The following FHIP1A variants were observed in gnomAD, a reference collection of about 807,000 sequenced individuals.
FHIP1A encodes the protein FHF complex subunit HOOK interacting protein 1A.
A neutral mutation model predicts 88.6 loss-of-function variants in FHIP1A; 61 were observed. The observed-to-expected ratio is 0.69, with a 90% CI of 0.56 to 0.85. The LOEUF is 0.85. Among genes scored for constraint, FHIP1A ranks in the 40% least tolerant of loss-of-function variants. FHIP1A has a pLI of 0.00. For missense variants in FHIP1A, 1,154 were observed against 1,273.5 expected (o/e 0.91, Z 1.43); for synonymous variants, 478 against 496.0 (o/e 0.96, Z 0.48).
chr4:151,535,949 C>T (rs1158305018), intron 3 of FHIP1A, among the ~76,000 whole-genome samples: 7 of 152,144 alleles, frequency 4.6e-5, no homozygotes, highest in African/African-American at 7.2e-5. Flanking sequence ...ACAATTTGTT[C>T]GTTACAGTTA....
At chr4:151,527,013 G>C (rs1282845981) in intron 3 of FHIP1A, among the ~76,000 whole-genome samples, 1 of 150,936 alleles carries the variant, frequency 6.6e-6, no homozygotes, top group African/African-American at 2.4e-5. Context: ...GATGGCGGCC[G>C]GGCAGAGACA....
rs755828717 is a variant in FHIP1A at position 151,650,528 on chromosome 4, G to C, written c.2487G>C (p.Val829=). The change falls in exon 11 of 14, where the codon GTG becomes GTC. Residue 829 remains valine, a synonymous_variant. Transcript: ENST00000435205. ...TAGAGACTGTGCCTTCCCCATTTGT[G>C]GGGAGAGATGAGGCTGCCTTTGCCA... The part of the protein sequence containing the change: ...PAVETVPSPF[V]GRDEAAFASR... 7.1e-6 allele frequency: 11 copies of C among 1,551,464 alleles called. No individual in the cohort carries two copies. The South Asian group carries it at 1.2e-4, about 17-fold the overall frequency.
chr4:151,418,172 T>TAA (rs1040622837), intron 1 of FHIP1A, among the ~76,000 whole-genome samples: 820 of 77,872 alleles, frequency 0.011, 34 homozygotes, highest in African/African-American at 0.032. Context: ...AACCTATCTC[T>TAA]AAAAAAAAAA....
At chr4:151,463,382 T>C (rs1176827454) in intron 2 of FHIP1A, among the ~76,000 whole-genome samples, 1 of 152,206 alleles carries the variant, frequency 6.6e-6, no homozygotes, top group African/African-American at 2.4e-5. Context: ...AAGAGGTTCT[T>C]ATTATCCTTT....
intron 3 of FHIP1A, among the ~76,000 whole-genome samples, chr4:151,495,409 C>T (rs1198634792): frequency 6.6e-6 from 1 of 150,730 alleles, no homozygotes; most frequent in Non-Finnish European, 1.5e-5. Flanking sequence ...GGCTGAGGCA[C>T]AAGAATCGCT....
intron 3 of FHIP1A, among the ~76,000 whole-genome samples, chr4:151,527,368 A>T (rs1207290976): frequency 6.6e-6 from 1 of 152,228 alleles, no homozygotes; most frequent in Non-Finnish European, 1.5e-5. Context: ...CCAAAAAAAT[A>T]TGAAAACCAG....
chr4:151,592,140 CTT>C (rs879889175), intron 7 of FHIP1A, among the ~76,000 whole-genome samples: 1 of 146,820 alleles, frequency 6.8e-6, no homozygotes, highest in Non-Finnish European at 1.5e-5. Flanking sequence ...TGTTTCCAGA[CTT>C]TTTTTTTTTT....
In FHIP1A at chr4:151,475,713, T is replaced by C. The variant is rs182544014; in HGVS notation, c.-247-6811T>C. Among the ~76,000 whole-genome samples, 14 of 152,264 alleles carry C rather than the reference T, an allele frequency of 9.2e-5. No individual in the cohort carries two copies. The East Asian group carries it at 2.5e-3, about 27-fold the overall frequency. On this transcript the variant is annotated intron_variant, in intron 2 of 13. Transcript: ENST00000435205. ...AGGAAATAACTTGCTTAACATGTAC[T>C]TCGTACATATTAAAAGAATAAAACA... is the stretch of plus-strand genomic sequence containing the variant.
chr4:151,507,775 A>G lies in FHIP1A; in HGVS notation c.-123+25127A>G, dbSNP rs538409293. On this transcript the variant is annotated intron_variant, in intron 3 of 13. Coordinates refer to ENST00000435205, the MANE Select transcript of FHIP1A (RefSeq NM_001109977.3). ...ATGGTTTAAACACGTTGAGAACCAC[A>G]GTTCTGTCCTCTGAGAGAGAGATGG... Among the ~76,000 whole-genome samples, 10 of 152,342 alleles carry G rather than the reference A, an allele frequency of 6.6e-5. No individual in the cohort carries two copies. The South Asian group carries it at 2.1e-3, about 32-fold the overall frequency.
intron 1 of FHIP1A, among the ~76,000 whole-genome samples, chr4:151,452,059 A>C (rs956088040): frequency 3.3e-5 from 5 of 152,106 alleles, no homozygotes; most frequent in African/African-American, 1.2e-4. Flanking sequence ...GAGCTCAAGC[A>C]ATCCTCTTGC....
chr4:151,576,389 C>T (rs574587490), intron 4 of FHIP1A, among the ~76,000 whole-genome samples: 1 of 152,272 alleles, frequency 6.6e-6, no homozygotes, highest in Admixed American at 6.5e-5. Context: ...CATCAAGGCT[C>T]ACTGCAGCCT....
intron 1 of FHIP1A, among the ~76,000 whole-genome samples, chr4:151,453,921 C>T (rs573197635): frequency 4.7e-4 from 71 of 152,078 alleles, no homozygotes; most frequent in Admixed American, 1.6e-3. Flanking sequence ...CCAAAAACCA[C>T]GATTTATAAT....
chr4:151,492,605 A>G (rs560979079), intron 3 of FHIP1A, among the ~76,000 whole-genome samples: 271 of 151,948 alleles, frequency 1.8e-3, no homozygotes, highest in Admixed American at 3.0e-3. Flanking sequence ...AAAAAAAAAA[A>G]AAGAAAATTG....
At chr4:151,618,527 A>G (rs6833814) in intron 7 of FHIP1A, among the ~76,000 whole-genome samples, 39,708 of 152,208 alleles carry the variant, frequency 0.26, 5,829 homozygotes, top group Non-Finnish European at 0.33. Context: ...TGTTTGCATT[A>G]GAGGGTCCTC....
chr4:151,635,842 A>G (rs914031998), intron 8 of FHIP1A, among the ~76,000 whole-genome samples: 1 of 152,008 alleles, frequency 6.6e-6, no homozygotes, highest in African/African-American at 2.4e-5. Flanking sequence ...AGTGATTTGT[A>G]TGCTTAAAAA....
chr4:151,622,017 T>C (rs1735765585), intron 7 of FHIP1A, among the ~76,000 whole-genome samples: 1 of 152,190 alleles, frequency 6.6e-6, no homozygotes, highest in Non-Finnish European at 1.5e-5. Context: ...GGGCTGCTGA[T>C]TTCCATCTTG....
intron 5 of FHIP1A, among the ~76,000 whole-genome samples, chr4:151,583,480 T>C (rs1734099704): frequency 6.6e-6 from 1 of 152,252 alleles, no homozygotes; most frequent in Admixed American, 6.5e-5. Context: ...TTTCACAATA[T>C]TCATTTTAAA....
At chr4:151,647,355 A>AGG (rs1736838549) in intron 10 of FHIP1A, among the ~76,000 whole-genome samples, 1 of 152,220 alleles carries the variant, frequency 6.6e-6, no homozygotes. Context: ...AGCTAGAGCA[A>AGG]GGGAGCATCT....
At chr4:151,412,687 CTTTTTTT>C (rs555613459) in intron 1 of FHIP1A, among the ~76,000 whole-genome samples, 3 of 95,850 alleles carry the variant, frequency 3.1e-5, no homozygotes, top group African/African-American at 4.2e-5. Flanking sequence ...CTCTTTCTTT[CTTTTTTT>C]TTTTTTTTTG....
Sources: allele counts gnomAD v4.1 joint callset (sites outside exome capture counted in the v4.1 genomes callset), GRCh38; gene constraint gnomAD v4.1.1; transcripts MANE v1.5; gene names NCBI Gene and HGNC (gene_info 2026-07-23, HGNC 2026-07-21).